Variants in MEP1A observed in about 807,000 individuals in gnomAD.
The protein encoded by MEP1A is N-benzoyl-L-tyrosyl-P-amino-benzoic acid hydrolase subunit alpha.
Under a neutral mutation model 84.5 loss-of-function variants are expected in MEP1A, and 68 were observed. The observed-to-expected ratio is 0.80, with a 90% CI of 0.66 to 0.98. MEP1A has a LOEUF of 0.98. MEP1A is among the 50% of genes least tolerant of loss of function. The pLI, the probability that MEP1A is intolerant of heterozygous loss-of-function variation, is 0.00. For synonymous variants in MEP1A, 337 were observed against 336.8 expected (o/e 1.00, Z -0.01); for missense variants, 887 against 919.9 (o/e 0.96, Z 0.46).
At chr6:46,840,433 T>G (rs1310009011), downstream of MEP1A, among the ~76,000 whole-genome samples, 1 of 152,102 alleles carries the variant, frequency 6.6e-6, no homozygotes, top group African/African-American at 2.4e-5. Context: ...TAACAAGATA[T>G]AAGAATGTGC....
chr6:46,826,764 G>T (rs1380879627), intron 9 of MEP1A, among the ~76,000 whole-genome samples: 2 of 152,154 alleles, frequency 1.3e-5, no homozygotes, highest in Non-Finnish European at 2.9e-5. Context: ...TAAAGGCAAT[G>T]TCTCTAGAAC....
chr6:46,802,892 C>T (rs1767225467), intron 5 of MEP1A, among the ~76,000 whole-genome samples: 2 of 151,680 alleles, frequency 1.3e-5, no homozygotes, highest in East Asian at 1.9e-4. Flanking sequence ...GATGTATTAT[C>T]CTTTTCATAT....
chr6:46,831,284 CACTT>C (rs1170825102), intron 10 of MEP1A, among the ~76,000 whole-genome samples: 1 of 152,134 alleles, frequency 6.6e-6, no homozygotes, highest in Non-Finnish European at 1.5e-5. Context: ...TTGACCAAAA[CACTT>C]ACACACAAAA....
chr6:46,798,596 C>A lies in MEP1A; in HGVS notation c.146-10C>A. On this transcript the variant is annotated splice_polypyrimidine_tract_variant and intron_variant, in intron 3 of 13. Transcript: ENST00000230588. ...AAATATTCTTTTTTTAAAAAAAATT[C>A]CACTTCCAGCTGCAGGCTTGGACCT... 3 of 1,612,164 alleles carry A rather than the reference C, an allele frequency of 1.9e-6. No individual in the cohort carries two copies. The highest frequency in any genetic ancestry group is 2.5e-6 in the Non-Finnish European group (3 of 1,178,616).
chr6:46,843,973 G>A (rs220692), downstream of MEP1A, among the ~76,000 whole-genome samples: 56,544 of 151,914 alleles, frequency 0.37, 10,835 homozygotes, highest in East Asian at 0.44. Context: ...GCTATAAAAT[G>A]TAGGCTAATC....
At chr6:46,816,130 G>A (rs1489032274) in intron 6 of MEP1A, among the ~76,000 whole-genome samples, 1 of 151,768 alleles carries the variant, frequency 6.6e-6, no homozygotes, top group Non-Finnish European at 1.5e-5. Context: ...AGAGATGGGG[G>A]TTTCACCATG....
intron 5 of MEP1A, among the ~76,000 whole-genome samples, chr6:46,802,287 C>A (rs1020214302): frequency 4.9e-4 from 74 of 151,516 alleles, no homozygotes; most frequent in African/African-American, 1.7e-3. Flanking sequence ...AGTGTAGAGA[C>A]CTTGTGTGTC....
intron 3 of MEP1A, among the ~76,000 whole-genome samples, chr6:46,794,329 G>A (rs1291427479): frequency 6.6e-6 from 1 of 152,246 alleles, no homozygotes; most frequent in African/African-American, 2.4e-5. Flanking sequence ...AGGATTTGTG[G>A]AAGCAGAGCT....
At chr6:46,823,291 A>G (rs1767824620) in intron 7 of MEP1A, among the ~76,000 whole-genome samples, 2 of 152,172 alleles carry the variant, frequency 1.3e-5, no homozygotes, top group Non-Finnish European at 1.5e-5. Context: ...TGAGGCAGTT[A>G]CATTTTCTTC....
downstream of MEP1A, among the ~76,000 whole-genome samples, chr6:46,843,496 A>G (rs1373587761): frequency 6.6e-6 from 1 of 152,240 alleles, no homozygotes; most frequent in African/African-American, 2.4e-5. Context: ...TATACTAATA[A>G]CAAACCCTCT....
intron 3 of MEP1A, among the ~76,000 whole-genome samples, chr6:46,797,838 C>CTT (rs1362068516): frequency 1.9e-4 from 27 of 144,318 alleles, no homozygotes; most frequent in East Asian, 1.4e-3. Context: ...TTCTTTCTTT[C>CTT]TCTCTCTCTT....
Position 46,835,498 on chromosome 6 carries a change from C to A in MEP1A, c.2033C>A (p.Pro678His). The change falls in exon 13 of 14, where the codon CCT becomes CAT. Residue 678 changes from proline to histidine, a missense_variant. Physicochemically the swap from Pro to His is moderately conservative, Grantham distance 77. Coordinates refer to ENST00000230588, the MANE Select transcript of MEP1A (RefSeq NM_005588.3). ...TTCAGAGACCCATGTGACCCAAACC[C>A]TTGCCAAAATGACGGCATCTGTGTG... ...QYFRDPCDPN[P>H]CQNDGICVNV... 3 of 1,613,594 alleles carry A rather than the reference C, an allele frequency of 1.9e-6. No homozygotes were observed. Among genetic ancestry groups the A allele is most frequent in the Non-Finnish European group, 2.5e-6 (3 of 1,179,800 alleles).
chr6:46,831,583 C>T (rs1768076786), intron 10 of MEP1A, among the ~76,000 whole-genome samples: 1 of 152,172 alleles, frequency 6.6e-6, no homozygotes, highest in Non-Finnish European at 1.5e-5. Flanking sequence ...GAATTTCTGC[C>T]TATGTGGTAT....
chr6:46,835,672 C>A (rs145464889), intron 13 of MEP1A, 123 bp downstream of exon 13: 2 of 1,080,906 alleles, frequency 1.9e-6, no homozygotes, highest in Non-Finnish European at 2.7e-6. Context: ...CAACTGAATG[C>A]GGTTTTCTTT....
intron 7 of MEP1A, among the ~76,000 whole-genome samples, chr6:46,823,519 G>A (rs1767831754): frequency 6.6e-6 from 1 of 152,192 alleles, no homozygotes; most frequent in Non-Finnish European, 1.5e-5. Context: ...GGCTGAGGCA[G>A]GAGAATTGTT....
chr6:46,800,901 T>C (rs530587002), intron 5 of MEP1A, among the ~76,000 whole-genome samples: 1 of 152,322 alleles, frequency 6.6e-6, no homozygotes, highest in Admixed American at 6.5e-5. Context: ...TGAACTCATA[T>C]ACCATAGTAT....
At chr6:46,834,908 CTTTAT>C (rs1319431476) in intron 12 of MEP1A, among the ~76,000 whole-genome samples, 157 bp downstream of exon 12, 2 of 152,152 alleles carry the variant, frequency 1.3e-5, no homozygotes, top group African/African-American at 2.4e-5. Context: ...GGACTCACAT[CTTTAT>C]TTTAATTGTC....
intron 9 of MEP1A, 60 bp downstream of exon 9, chr6:46,826,563 C>G: frequency 7.5e-7 from 1 of 1,326,726 alleles, no homozygotes; most frequent in South Asian, 2.5e-5. Context: ...TTAGGTTATG[C>G]CAGCCACCAT....
At chr6:46,805,240 A>G (rs958253277) in intron 5 of MEP1A, among the ~76,000 whole-genome samples, 1 of 151,838 alleles carries the variant, frequency 6.6e-6, no homozygotes, top group African/African-American at 2.4e-5. Flanking sequence ...ACCTCTTTCA[A>G]TGTGCTGGTA....
Sources: allele counts gnomAD v4.1 joint callset (sites outside exome capture counted in the v4.1 genomes callset), GRCh38; gene constraint gnomAD v4.1.1; transcripts MANE v1.5; gene names NCBI Gene and HGNC (gene_info 2026-07-23, HGNC 2026-07-21).